Variants in SPATA21 observed in about 807,000 individuals in gnomAD.
The protein encoded by SPATA21 is spermatogenesis-associated protein 21.
SPATA21 carries 47 observed loss-of-function variants against 54.8 expected under a neutral mutation model. That is an observed-to-expected ratio of 0.86 (90% CI 0.68 to 1.09). The LOEUF is 1.09. SPATA21 is among the 50% of genes least tolerant of loss of function. The pLI, the probability that SPATA21 is intolerant of heterozygous loss-of-function variation, is 0.00. For synonymous variants in SPATA21, 245 were observed against 235.3 expected (o/e 1.04, Z -0.38); for missense variants, 599 against 596.4 (o/e 1.00, Z -0.05).
chr1:16,422,145 G>A (rs1254135020), intron 3 of SPATA21, 174 bp from the exon 4 acceptor site: 1 of 1,471,422 alleles, frequency 6.8e-7, no homozygotes, highest in East Asian at 2.4e-5. Flanking sequence ...AGGCTCTGCT[G>A]GCTGCACCAT....
At chr1:16,431,284 T>C in intron 3 of SPATA21, 54 bp downstream of exon 3, 1 of 1,614,058 alleles carries the variant, frequency 6.2e-7, no homozygotes, top group Non-Finnish European at 8.5e-7. Flanking sequence ...CCAGCCCTCT[T>C]TATGGTGATC....
intron 12 of SPATA21, 30 bp downstream of exon 12, chr1:16,399,314 T>C (rs772865709): frequency 1.3e-6 from 2 of 1,585,510 alleles, no homozygotes; most frequent in South Asian, 1.2e-5. Flanking sequence ...TGGAAGGGCC[T>C]GGGCTGGGAC....
intron 1 of SPATA21, among the ~76,000 whole-genome samples, chr1:16,433,176 G>A (rs770319750): frequency 6.6e-6 from 1 of 152,364 alleles, no homozygotes; most frequent in East Asian, 1.9e-4. Context: ...GTGTCCTGAC[G>A]GTTCCCACAG....
Position 16,422,216 on chromosome 1 carries a change from C to T in SPATA21, c.35-245G>A, listed in dbSNP as rs554104592. On this transcript the variant is annotated intron_variant, in intron 3 of 12. Transcript: ENST00000335496. ...AGCCCTGTCAAGGACAAGGACACCA[C>T]GGCTGGGGAGCTCCATCCTCGTTCC... 24 of 1,416,230 alleles carry T rather than the reference C, an allele frequency of 1.7e-5. No homozygotes were observed. In the Admixed American group the frequency reaches 2.1e-4, roughly 12 times the overall value. The allele number at this position is 1,416,230 out of a possible 1,614,324, so 87.7% of individuals were successfully genotyped here.
intron 7 of SPATA21, among the ~76,000 whole-genome samples, chr1:16,408,869 C>CA (rs141121121): frequency 0.03 from 3,591 of 118,002 alleles, 75 homozygotes; most frequent in Admixed American, 0.055. Context: ...GACTCTGTCT[C>CA]AAAAAAAAAA....
At chr1:16,412,646 A>G (rs1451080959) in intron 5 of SPATA21, among the ~76,000 whole-genome samples, 1 of 151,868 alleles carries the variant, frequency 6.6e-6, no homozygotes, top group Non-Finnish European at 1.5e-5. Context: ...TATTTTTAGT[A>G]GAGACAGCAT....
At chr1:16,408,726 C>T (rs138253023) in intron 7 of SPATA21, 3,724 of 161,112 alleles carry the variant, frequency 0.023, 79 homozygotes, top group Admixed American at 0.069. Flanking sequence ...AAAAATTAGC[C>T]GGGCGTGGTG....
Position 16,414,893 on chromosome 1 carries a change from C to CA in SPATA21, c.145-4851dup, listed in dbSNP as rs528947922. 6.3e-3 allele frequency among the ~76,000 whole-genome samples: 471 copies of CA among 74,316 alleles called. 18 individuals carry two copies. The highest frequency in any genetic ancestry group is 0.021 in the African/African-American group (367 of 17,746). 48.8% of individuals were successfully genotyped at this position (74,316 alleles called of 152,430 possible). ...GGGCAACAAGAGCGAAACCTCATCT[C>CA]AAAAAAAAAAAAAAAAAAAGATTCT... On this transcript the variant is annotated intron_variant, in intron 5 of 12. Transcript: ENST00000335496.
rs976993737 is a variant in SPATA21, at chr1:16,405,115, G to T, written c.674-11C>A. ...AGTAGCTGCGGAAGGCTGTGGGGAG[G>T]GCAGGGTTATGTGGAGTGGGGGCAT... On this transcript the variant is annotated splice_polypyrimidine_tract_variant and intron_variant, in intron 7 of 12. Transcript: ENST00000335496. 6.2e-7 allele frequency: 1 copy of T among 1,604,648 alleles called. No individual in the cohort carries two copies. Among genetic ancestry groups the T allele is most frequent in the Non-Finnish European group, 8.5e-7 (1 of 1,176,374 alleles).
intron 3 of SPATA21, among the ~76,000 whole-genome samples, chr1:16,427,095 A>G (rs1397999992): frequency 6.6e-6 from 1 of 152,192 alleles, no homozygotes; most frequent in African/African-American, 2.4e-5. Context: ...GTCTTTGTGC[A>G]TAAAACTGCT....
intron 9 of SPATA21, 25 bp from the exon 10 acceptor site, chr1:16,403,869 C>T (rs781609328): frequency 1.4e-5 from 22 of 1,609,278 alleles, no homozygotes; most frequent in Non-Finnish European, 1.5e-5. Flanking sequence ...TAGTGGCTGC[C>T]GTTACCACTG....
chr1:16,403,652 A>G, intron 10 of SPATA21, 75 bp downstream of exon 10: 1 of 1,338,766 alleles, frequency 7.5e-7, no homozygotes, highest in Non-Finnish European at 1.1e-6. Flanking sequence ...AACTACCAAA[A>G]GTTCTCAGTG....
At chr1:16,431,448 C>G in intron 2 of SPATA21, 26 bp from the exon 3 acceptor site, 2 of 1,587,482 alleles carry the variant, frequency 1.3e-6, no homozygotes, top group Non-Finnish European at 1.7e-6. Flanking sequence ...AATCAAGCGT[C>G]CCACCAAGCC....
intron 5 of SPATA21, among the ~76,000 whole-genome samples, chr1:16,413,949 C>T (rs558973899): frequency 1.3e-5 from 2 of 152,238 alleles, no homozygotes; most frequent in Middle Eastern, 6.8e-3. Context: ...TACCATTTTA[C>T]ATTCCCACCA....
In SPATA21 at chr1:16,409,044, G is replaced by T; in HGVS notation, c.673+74C>A. The T allele has an allele frequency of 6.6e-7, 1 of 1,513,414 alleles. No individual in the cohort carries two copies. Among genetic ancestry groups the T allele is most frequent in the Non-Finnish European group, 9.2e-7 (1 of 1,091,594 alleles). 93.7% of individuals were successfully genotyped at this position (1,513,414 alleles called of 1,614,324 possible). A position where few individuals can be genotyped will look rare whatever the true frequency, so the allele number is the denominator to read the frequency against. Reference sequence around the variant, plus strand: ...TGTGATCTGGAAAGCACCCCAGTCCGCCCTGCGCCTATAAACCCCCAAGGA... The same window carrying T: ...TGTGATCTGGAAAGCACCCCAGTCCTCCCTGCGCCTATAAACCCCCAAGGA... On this transcript the variant is annotated intron_variant, in intron 7 of 12. Transcript: ENST00000335496. This position sits in a 1 kb window ranked among gnomAD's most constrained non-coding sequence, Gnocchi z 4.1.
chr1:16,415,110 G>C (rs1234928937), intron 5 of SPATA21, among the ~76,000 whole-genome samples: 5 of 152,156 alleles, frequency 3.3e-5, no homozygotes, highest in Non-Finnish European at 7.3e-5. Flanking sequence ...GCTGAGGCAG[G>C]TGGATCGCTT....
intron 3 of SPATA21, among the ~76,000 whole-genome samples, chr1:16,431,078 C>A (rs2086445576): frequency 6.6e-6 from 1 of 152,162 alleles, no homozygotes; most frequent in African/African-American, 2.4e-5. Context: ...TGTCAGTTAC[C>A]CAAACTGATA....
Position 16,409,687 on chromosome 1 carries a change from C to T in SPATA21, c.501G>A (p.Leu167=), listed in dbSNP as rs774195461. The part of the protein sequence containing the change: ...PVPTSMPCPV[L]LGPALDLGWR... ...AGCCCAGGTCCAGGGCAGGGCCCAG[C>T]AGGACAGGGCAAGGCATGGAGGTGG... Residue 167 remains leucine, a synonymous_variant, in exon 6 of 13, where the codon CTG becomes CTA. Coordinates refer to ENST00000335496, the MANE Select transcript of SPATA21 (RefSeq NM_198546.1). The surrounding 1 kb of genome is among the most constrained non-coding windows in gnomAD (Gnocchi z 4.1). The T allele has an allele frequency of 5.0e-6, 8 of 1,613,260 alleles. No homozygotes were observed. The highest frequency in any genetic ancestry group is 4.4e-5 in the South Asian group (4 of 91,052).
At chr1:16,419,672 G>A (rs1430038758) in intron 5 of SPATA21, among the ~76,000 whole-genome samples, 1 of 152,248 alleles carries the variant, frequency 6.6e-6, no homozygotes, top group South Asian at 2.1e-4. Flanking sequence ...GGGCATGGTG[G>A]CTCACGCCTG....
Sources: gnomAD v4.1 joint callset for allele counts (sites outside exome capture counted in the v4.1 genomes callset) on GRCh38, gnomAD v4.1.1 for gene constraint, Gnocchi (gnomAD v3.1) non-coding constraint, MANE v1.5 for transcripts, NCBI Gene and HGNC (gene_info 2026-07-23, HGNC 2026-07-21) for gene names.